The following CDH11 variants were observed in gnomAD, a reference collection of about 807,000 sequenced individuals.
The protein encoded by CDH11 is cadherin 11.
In CDH11, 11 loss-of-function variants were observed where a neutral mutation model predicts 67.8. The ratio of observed to expected loss-of-function variants is 0.16; its 90% confidence interval spans 0.10 to 0.27. CDH11 has a LOEUF of 0.27. Ranked by LOEUF, CDH11 falls within the 10% of genes least tolerant of loss-of-function variation. The pLI is 1.00. For synonymous variants in CDH11, 419 were observed against 400.0 expected, an observed-to-expected ratio of 1.05 and a Z score of -0.57; for missense variants, 847 against 1,031.2, an observed-to-expected ratio of 0.82 and a Z score of 2.45.
rs1325037946 is a variant in CDH11, at chr16:65,121,103, A to AGCTTTCG, written c.-298+776_-298+777insCGAAAGC. Among the ~76,000 whole-genome samples, 1 of 151,880 alleles carries AGCTTTCG rather than the reference A, an allele frequency of 6.6e-6. No individual in the cohort carries two copies. Among genetic ancestry groups the AGCTTTCG allele is most frequent in the African/African-American group, 2.4e-5 (1 of 41,328 alleles). On this transcript the variant is annotated intron_variant, in intron 1 of 12. Coordinates refer to ENST00000268603, the MANE Select transcript of CDH11 (RefSeq NM_001797.4). The surrounding 1 kb of genome is among the most constrained non-coding windows in gnomAD (Gnocchi z 4.1). ...GGTGTGGTTCTCAAAGTTAACGTTGACCCTGGCAGCTTTCGCCAATCCCAA... is the reference window on the plus strand; with the variant it reads ...GGTGTGGTTCTCAAAGTTAACGTTGAGCTTTCGCCCTGGCAGCTTTCGCCAATCCCAA...
chr16:64,961,275 T>C (rs2142398089), intron 11 of CDH11, among the ~76,000 whole-genome samples: 1 of 152,304 alleles, frequency 6.6e-6, no homozygotes, highest in South Asian at 2.1e-4. Flanking sequence ...ACTCTTAAAA[T>C]TGATTTACTT....
intron 1 of CDH11, among the ~76,000 whole-genome samples, chr16:65,103,881 G>C (rs2075029858): frequency 6.6e-6 from 1 of 151,962 alleles, no homozygotes; most frequent in African/African-American, 2.4e-5. Flanking sequence ...ATGTTGTATT[G>C]TGTTATAGTT....
At chr16:65,002,881 T>A (rs2072953680) in intron 3 of CDH11, among the ~76,000 whole-genome samples, 1 of 152,172 alleles carries the variant, frequency 6.6e-6, no homozygotes, top group South Asian at 2.1e-4. Context: ...AAATTCATAA[T>A]CATTTACATT....
At chr16:65,110,533 A>C (rs1783056559) in intron 1 of CDH11, among the ~76,000 whole-genome samples, 1 of 151,814 alleles carries the variant, frequency 6.6e-6, no homozygotes, top group African/African-American at 2.4e-5. Flanking sequence ...ATGGGTGGCT[A>C]TGGGTTATTT....
intron 11 of CDH11, among the ~76,000 whole-genome samples, chr16:64,965,331 G>A (rs1298220660): frequency 2.6e-5 from 4 of 151,588 alleles, no homozygotes; most frequent in Admixed American, 1.3e-4. Context: ...ACAGTGAGCC[G>A]AGATTGCACC....
At chr16:65,054,671 A>G (rs1196451463) in intron 1 of CDH11, among the ~76,000 whole-genome samples, 1 of 152,212 alleles carries the variant, frequency 6.6e-6, no homozygotes, top group African/African-American at 2.4e-5. Context: ...GTGTCTAAAC[A>G]GCTGTCATCT....
chr16:65,047,363 T>C (rs1407040065), intron 2 of CDH11, among the ~76,000 whole-genome samples: 2 of 151,974 alleles, frequency 1.3e-5, no homozygotes, highest in African/African-American at 4.8e-5. Context: ...TTTTTGGTTT[T>C]TTTTTTTAGA....
intron 1 of CDH11, among the ~76,000 whole-genome samples, chr16:65,076,049 G>A (rs1169339869): frequency 6.6e-6 from 1 of 152,136 alleles, no homozygotes; most frequent in Non-Finnish European, 1.5e-5. Context: ...CTGTGGGAGG[G>A]GCTGTGAGCT....
intron 1 of CDH11, among the ~76,000 whole-genome samples, chr16:65,112,981 A>G: frequency 6.6e-6 from 1 of 152,202 alleles, no homozygotes; most frequent in East Asian, 1.9e-4. Context: ...CAACTATTAA[A>G]ATAATCAATT....
intron 2 of CDH11, among the ~76,000 whole-genome samples, chr16:65,035,227 G>A (rs986532576): frequency 2.0e-5 from 3 of 152,248 alleles, no homozygotes; most frequent in African/African-American, 7.2e-5. Flanking sequence ...CCTTGCATCA[G>A]GGAGTGTGCC....
At chr16:65,060,073 T>A (rs1467563271) in intron 1 of CDH11, among the ~76,000 whole-genome samples, 1 of 152,192 alleles carries the variant, frequency 6.6e-6, no homozygotes, top group Non-Finnish European at 1.5e-5. Context: ...CTTCTACATG[T>A]GTTTTGTAAA....
intron 1 of CDH11, among the ~76,000 whole-genome samples, chr16:65,095,391 C>A (rs1047867170): frequency 3.3e-5 from 5 of 152,068 alleles, no homozygotes; most frequent in Non-Finnish European, 1.5e-5. Flanking sequence ...AAAGTAACTT[C>A]TAAATTAGGA....
intron 1 of CDH11, among the ~76,000 whole-genome samples, chr16:65,088,115 G>C (rs1039647027): frequency 6.6e-5 from 10 of 152,092 alleles, no homozygotes; most frequent in African/African-American, 2.4e-4. Context: ...TGGCATCAGC[G>C]TCCTTACAAA....
Position 65,008,613 on chromosome 16 carries a change from C to T in CDH11, c.-172-3572G>A, listed in dbSNP as rs535312037. On this transcript the variant is annotated intron_variant, in intron 2 of 12. Coordinates refer to ENST00000268603, the MANE Select transcript of CDH11 (RefSeq NM_001797.4). Reference sequence around the variant, plus strand: ...AAGGATGAGGAAACTGAGTTCCAGACACATTAAACAACTTATGCAGACTTA... The same window carrying T: ...AAGGATGAGGAAACTGAGTTCCAGATACATTAAACAACTTATGCAGACTTA... 3.9e-5 allele frequency among the ~76,000 whole-genome samples: 6 copies of T among 152,270 alleles called. No homozygotes were observed. In the South Asian group the frequency reaches 8.3e-4, roughly 21 times the overall value.
Position 65,121,765 on chromosome 16 carries a change from C to T in CDH11, c.-298+115G>A. 1 of 696,980 alleles carries T rather than the reference C, an allele frequency of 1.4e-6. No individual in the cohort carries two copies. Among genetic ancestry groups the T allele is most frequent in the Non-Finnish European group, 2.6e-6 (1 of 382,994 alleles). 43.2% of individuals were successfully genotyped at this position (696,980 alleles called of 1,614,324 possible). Reference sequence around the variant, plus strand: ...AGTGAAGCCTTCTCGACTCAGATACCACCGTCCCCCTCACCACCCCGCCCC... The same window carrying T: ...AGTGAAGCCTTCTCGACTCAGATACTACCGTCCCCCTCACCACCCCGCCCC... On this transcript the variant is annotated intron_variant, in intron 1 of 12. Transcript: ENST00000268603. This position sits in a 1 kb window ranked among gnomAD's most constrained non-coding sequence, Gnocchi z 4.1.
intron 1 of CDH11, among the ~76,000 whole-genome samples, chr16:65,090,791 G>A (rs776526864): frequency 2.0e-4 from 30 of 152,096 alleles, no homozygotes; most frequent in Non-Finnish European, 3.7e-4. Flanking sequence ...TAAATCCAAA[G>A]TTCTGCTTTT....
chr16:64,960,465 T>C (rs999926204), intron 11 of CDH11, among the ~76,000 whole-genome samples: 13 of 152,082 alleles, frequency 8.5e-5, no homozygotes, highest in African/African-American at 3.1e-4. Flanking sequence ...GTTATACGGT[T>C]AGAATTCAGA....
chr16:64,986,561 T>C (rs2072492184), intron 7 of CDH11: 1 of 151,848 alleles, frequency 6.6e-6, no homozygotes, highest in South Asian at 2.1e-4. Context: ...CATATGTCAG[T>C]GTCAAGCAGA....
chr16:65,035,030 G>T (rs2073724205), intron 2 of CDH11, among the ~76,000 whole-genome samples: 1 of 152,352 alleles, frequency 6.6e-6, no homozygotes, highest in Admixed American at 6.5e-5. Context: ...AGGCCTGAAG[G>T]TCAGCAGGGC....
Sources: gnomAD v4.1 joint callset for allele counts (sites outside exome capture counted in the v4.1 genomes callset) on GRCh38, gnomAD v4.1.1 for gene constraint, Gnocchi (gnomAD v3.1) non-coding constraint, MANE v1.5 for transcripts, NCBI Gene and HGNC (gene_info 2026-07-23, HGNC 2026-07-21) for gene names.